Variants in FAM120A observed in about 807,000 individuals in gnomAD.
FAM120A encodes constitutive coactivator of PPAR-gamma-like protein 1.
A neutral mutation model predicts 109.7 loss-of-function variants in FAM120A; 15 were observed. The ratio of observed to expected loss-of-function variants is 0.14; its 90% CI spans 0.09 to 0.21. The LOEUF is 0.21. Ranked by LOEUF, FAM120A falls within the 10% of genes least tolerant of loss-of-function variation. The pLI is 1.00. For synonymous variants in FAM120A, 493 were observed against 572.8 expected, an observed-to-expected ratio of 0.86 and a Z score of 1.99; for missense variants, 899 against 1,439.3, an observed-to-expected ratio of 0.62 and a Z score of 6.07.
chr9:93,529,285 A>G (rs1298003090), intron 8 of FAM120A, 68 bp from the exon 9 acceptor site: 2 of 1,390,416 alleles, frequency 1.4e-6, no homozygotes, highest in Admixed American at 2.4e-5. Context: ...ACAGGCACCT[A>G]CCATACTTTA....
intron 7 of FAM120A, among the ~76,000 whole-genome samples, chr9:93,525,151 G>T (rs1861018729): frequency 6.6e-6 from 1 of 152,004 alleles, no homozygotes; most frequent in South Asian, 2.1e-4. Context: ...AGATTTTACA[G>T]TATGATTGTT....
intron 7 of FAM120A, among the ~76,000 whole-genome samples, chr9:93,523,881 A>G (rs59582399): frequency 0.24 from 37,107 of 152,210 alleles, 5,879 homozygotes; most frequent in African/African-American, 0.45. Flanking sequence ...GACTAGACCT[A>G]TTAGGTGTCT....
chr9:93,487,364 G>A (rs1243947505), intron 3 of FAM120A, among the ~76,000 whole-genome samples: 1 of 152,114 alleles, frequency 6.6e-6, no homozygotes, highest in Non-Finnish European at 1.5e-5. Flanking sequence ...GTTTCACCAT[G>A]TTGGCCAGGC....
rs146375584 is a variant in FAM120A at position 93,519,131 on chromosome 9, C to T, written c.1418+2862C>T. Among the ~76,000 whole-genome samples the T allele has an allele frequency of 2.4e-3, 372 of 152,192 alleles. 1 individual carries two copies. The highest frequency in any genetic ancestry group is 8.2e-3 in the African/African-American group (340 of 41,518). ...CTCACACCTTGATGCCATTTGCCCT[C>T]GGGACAGTGGGTCTCCGGACAGTCA... On this transcript the variant is annotated intron_variant, in intron 7 of 17. Coordinates refer to ENST00000277165, the MANE Select transcript of FAM120A (RefSeq NM_014612.5).
chr9:93,549,193 CTT>C (rs1313688153), intron 11 of FAM120A, among the ~76,000 whole-genome samples: 10 of 152,186 alleles, frequency 6.6e-5, no homozygotes, highest in Non-Finnish European at 1.3e-4. Context: ...TCACATCACT[CTT>C]TTATGTATCT....
chr9:93,501,477 TA>T (rs1488753801), intron 5 of FAM120A, among the ~76,000 whole-genome samples: 1 of 152,168 alleles, frequency 6.6e-6, no homozygotes, highest in Non-Finnish European at 1.5e-5. Context: ...CTCGGTGGTT[TA>T]TGGAGAACAG....
chr9:93,537,726 G>GA (rs2131497870), intron 10 of FAM120A, among the ~76,000 whole-genome samples: 1 of 152,068 alleles, frequency 6.6e-6, no homozygotes, highest in Admixed American at 6.5e-5. Context: ...CTAATAATTG[G>GA]AATTGCTAAT....
chr9:93,485,141 A>G (rs1858986415), intron 3 of FAM120A, among the ~76,000 whole-genome samples: 1 of 152,072 alleles, frequency 6.6e-6, no homozygotes. Flanking sequence ...GGCAGATCAG[A>G]CACTGTTGTT....
intron 2 of FAM120A, among the ~76,000 whole-genome samples, chr9:93,474,630 G>C (rs1019273556): frequency 6.6e-6 from 1 of 151,816 alleles, no homozygotes; most frequent in South Asian, 2.1e-4. Context: ...GTCTTGCTCT[G>C]TCGCCCAGGC....
At chr9:93,545,120 G>T (rs1420335861) in intron 11 of FAM120A, among the ~76,000 whole-genome samples, 1 of 151,992 alleles carries the variant, frequency 6.6e-6, no homozygotes. Flanking sequence ...TGTTCTGCTT[G>T]CCCCTGTGTC....
intron 10 of FAM120A, among the ~76,000 whole-genome samples, chr9:93,535,565 G>A (rs975360612): frequency 6.7e-6 from 1 of 149,884 alleles, no homozygotes; most frequent in Admixed American, 6.6e-5. Context: ...TAGAATTTGG[G>A]AGACCTTACT....
intron 1 of FAM120A, among the ~76,000 whole-genome samples, chr9:93,464,401 G>A (rs1477681823): frequency 6.6e-6 from 1 of 152,080 alleles, no homozygotes; most frequent in African/African-American, 2.4e-5. Flanking sequence ...ACCAGAAACG[G>A]GCCCTTTTGC....
intron 7 of FAM120A, among the ~76,000 whole-genome samples, chr9:93,517,767 G>T (rs1860663208): frequency 6.6e-6 from 1 of 152,190 alleles, no homozygotes; most frequent in African/African-American, 2.4e-5. Flanking sequence ...GCATGTTTCA[G>T]TTGAGGTGCT....
intron 12 of FAM120A, among the ~76,000 whole-genome samples, chr9:93,550,962 T>G (rs189678063): frequency 2.3e-3 from 352 of 152,346 alleles, no homozygotes; most frequent in African/African-American, 8.2e-3. Flanking sequence ...CATTGGATGT[T>G]TATTCTTATT....
Position 93,556,252 on chromosome 9 carries a change from G to T in FAM120A, c.2275-130G>T, listed in dbSNP as rs191103564. On this transcript the variant is annotated intron_variant, in intron 12 of 17. Coordinates refer to ENST00000277165, the MANE Select transcript of FAM120A (RefSeq NM_014612.5). ...AGTGTTAGGTCAATATAAGGTAATG[G>T]TAGGACTACTTAGTGGTGCTGTTTT... 23 of 684,252 alleles carry T rather than the reference G, an allele frequency of 3.4e-5. No individual in the cohort carries two copies. The East Asian group carries it at 5.8e-4, about 17-fold the overall frequency. The allele number at this position is 684,252 out of a possible 1,614,324, so 42.4% of individuals were successfully genotyped here.
intron 12 of FAM120A, among the ~76,000 whole-genome samples, chr9:93,554,769 C>T (rs1372449788): frequency 6.6e-6 from 1 of 152,220 alleles, no homozygotes; most frequent in Non-Finnish European, 1.5e-5. Flanking sequence ...GATAGCCAGG[C>T]AAACAACTTT....
At chr9:93,474,663 G>A (rs527595062) in intron 2 of FAM120A, among the ~76,000 whole-genome samples, 4 of 151,852 alleles carry the variant, frequency 2.6e-5, no homozygotes, top group South Asian at 2.1e-4. Flanking sequence ...GCATGATCTC[G>A]CCTCACTGCA....
chr9:93,551,706 A>G (rs571279857), intron 12 of FAM120A, among the ~76,000 whole-genome samples: 2 of 152,306 alleles, frequency 1.3e-5, no homozygotes, highest in South Asian at 4.1e-4. Flanking sequence ...TCCCTAAATT[A>G]TCATGTTAAA....
chr9:93,526,903 C>T (rs1308427336), intron 7 of FAM120A, among the ~76,000 whole-genome samples: 7 of 152,236 alleles, frequency 4.6e-5, no homozygotes. Context: ...AAGCAAATCA[C>T]AGACCATCTC....
Sources: gnomAD v4.1 joint callset for allele counts (sites outside exome capture counted in the v4.1 genomes callset) on GRCh38, gnomAD v4.1.1 for gene constraint, MANE v1.5 for transcripts, NCBI Gene and HGNC (gene_info 2026-07-23, HGNC 2026-07-21) for gene names.